Variants in DGKB observed in about 807,000 individuals in gnomAD.
DGKB encodes the protein diacylglycerol kinase beta.
A neutral mutation model predicts 114.3 loss-of-function variants in DGKB; 67 were observed. The observed-to-expected ratio is 0.59, with a 90% CI of 0.48 to 0.72. The LOEUF is 0.72. Ranked by LOEUF, DGKB falls within the 30% of genes least tolerant of loss-of-function variation. DGKB has a pLI of 0.00. For synonymous variants in DGKB, 398 were observed against 323.1 expected (o/e 1.23, Z -2.49); for missense variants, 907 against 975.2 (o/e 0.93, Z 0.93).
intron 2 of DGKB, among the ~76,000 whole-genome samples, chr7:14,827,576 A>G (rs1845870200): frequency 1.3e-5 from 2 of 152,148 alleles, no homozygotes; most frequent in South Asian, 4.1e-4. Flanking sequence ...ATGTATGTTT[A>G]TCAGATTTAT....
intron 1 of DGKB, among the ~76,000 whole-genome samples, chr7:14,931,517 G>T (rs1236606321): frequency 6.6e-6 from 1 of 152,170 alleles, no homozygotes; most frequent in Non-Finnish European, 1.5e-5. Context: ...ATCTAGATAG[G>T]GGGAGTGGGG....
At chr7:14,727,851 T>G (rs2128377289) in intron 5 of DGKB, among the ~76,000 whole-genome samples, 1 of 152,296 alleles carries the variant, frequency 6.6e-6, no homozygotes, top group African/African-American at 2.4e-5. Flanking sequence ...AAGACAGTCC[T>G]AATAAGAGAA....
chr7:14,192,890 G>T (rs1400665858), intron 23 of DGKB, among the ~76,000 whole-genome samples: 1 of 151,616 alleles, frequency 6.6e-6, no homozygotes. Flanking sequence ...AACACTGACA[G>T]ATCATCAGGT....
At chr7:14,163,971 G>A (rs1261440623) in intron 25 of DGKB, among the ~76,000 whole-genome samples, 1 of 151,192 alleles carries the variant, frequency 6.6e-6, no homozygotes, top group African/African-American at 2.4e-5. Flanking sequence ...CACCTGCCTG[G>A]GCAACAGCAG....
At chr7:14,332,881 T>C (rs1809973453) in intron 23 of DGKB, among the ~76,000 whole-genome samples, 1 of 152,172 alleles carries the variant, frequency 6.6e-6, no homozygotes, top group Non-Finnish European at 1.5e-5. Context: ...TTTTGCATGA[T>C]GGGTACCTGG....
chr7:14,252,276 T>G (rs905994565), intron 23 of DGKB, among the ~76,000 whole-genome samples: 11 of 152,218 alleles, frequency 7.2e-5, no homozygotes, highest in Non-Finnish European at 1.5e-4. Flanking sequence ...TTCTTTAAGA[T>G]GAATATTTAA....
intron 20 of DGKB, among the ~76,000 whole-genome samples, chr7:14,535,378 GAAAAAAA>G (rs111762380): frequency 9.0e-4 from 111 of 123,660 alleles, no homozygotes; most frequent in South Asian, 2.3e-3. Flanking sequence ...CTTAAAAAAA[GAAAAAAA>G]AAAAAAAAAG....
intron 2 of DGKB, among the ~76,000 whole-genome samples, chr7:14,780,015 T>C (rs1418821035): frequency 6.6e-6 from 1 of 152,186 alleles, no homozygotes; most frequent in Non-Finnish European, 1.5e-5. Flanking sequence ...TTAATTTTGT[T>C]GCTGGGTGCA....
rs569285993 is a variant in DGKB, at chr7:14,327,974, A to T, written c.2122+10541T>A. Among the ~76,000 whole-genome samples the T allele has an allele frequency of 3.3e-5, 5 of 152,188 alleles. No homozygotes were observed. The East Asian group carries it at 9.6e-4, about 29-fold the overall frequency. ...GTTAAAATATGAAATGACTTCTCAA[A>T]CCTATTTTATATGGAAGTCACATTT... On this transcript the variant is annotated intron_variant, in intron 23 of 25. Transcript: ENST00000402815.
chr7:14,974,488 T>A (rs1787676936), intron 1 of DGKB, among the ~76,000 whole-genome samples: 1 of 152,106 alleles, frequency 6.6e-6, no homozygotes, highest in Non-Finnish European at 1.5e-5. Flanking sequence ...TTACTTCACA[T>A]AATAATCTTC....
upstream of DGKB, among the ~76,000 whole-genome samples, chr7:14,906,001 G>T (rs576475783): frequency 1.2e-4 from 18 of 151,962 alleles, no homozygotes; most frequent in African/African-American, 4.1e-4. Context: ...TCACTCACAG[G>T]CTCCACAGAA....
At chr7:14,413,134 C>G (rs1825159430) in intron 21 of DGKB, among the ~76,000 whole-genome samples, 1 of 151,920 alleles carries the variant, frequency 6.6e-6, no homozygotes, top group Non-Finnish European at 1.5e-5. Context: ...AGTGATATAG[C>G]AATGGATTGG....
At chr7:14,256,894 G>T (rs566207020) in intron 23 of DGKB, among the ~76,000 whole-genome samples, 12 of 152,256 alleles carry the variant, frequency 7.9e-5, no homozygotes, top group African/African-American at 2.6e-4. Flanking sequence ...AGCTGGGCAC[G>T]GTGGTTTACA....
intron 13 of DGKB, among the ~76,000 whole-genome samples, chr7:14,652,264 A>C (rs1351972451): frequency 1.3e-5 from 2 of 152,316 alleles, no homozygotes; most frequent in South Asian, 4.1e-4. Flanking sequence ...ACAAGTCTAC[A>C]GTAACCCAAA....
At chr7:14,187,972 C>T (rs145581814) in intron 23 of DGKB, among the ~76,000 whole-genome samples, 9 of 151,446 alleles carry the variant, frequency 5.9e-5, no homozygotes, top group African/African-American at 1.7e-4. Flanking sequence ...ATTCATGATC[C>T]GAATGAGAAA....
Position 14,665,402 on chromosome 7 carries a change from A to G in DGKB, c.1134+7527T>C, listed in dbSNP as rs76416488. Among the ~76,000 whole-genome samples the G allele has an allele frequency of 7.3e-3, 1,111 of 152,060 alleles. 10 individuals carry two copies. Among genetic ancestry groups the G allele is most frequent in the African/African-American group, 0.024 (1,017 of 41,516 alleles). ...GTGGGAGGAGGAAGAGGATGAGGAA[A>G]AATAAGTAATGCATAGTAGGCTTAG... On this transcript the variant is annotated intron_variant, in intron 13 of 25. Transcript: ENST00000402815.
intron 23 of DGKB, among the ~76,000 whole-genome samples, chr7:14,193,175 A>AG (rs1784548527): frequency 3.1e-5 from 2 of 63,672 alleles, no homozygotes; most frequent in Admixed American, 4.8e-4. Context: ...TCAGAGAAAT[A>AG]GAAAAAAAAA....
chr7:14,595,898 G>C (rs1156354626), intron 17 of DGKB, among the ~76,000 whole-genome samples: 3 of 151,990 alleles, frequency 2.0e-5, no homozygotes, highest in Non-Finnish European at 2.9e-5. Flanking sequence ...TAAATTTTTA[G>C]TATTATTGTT....
chr7:14,670,979 C>A (rs1818866924), intron 13 of DGKB, among the ~76,000 whole-genome samples: 1 of 152,010 alleles, frequency 6.6e-6, no homozygotes, highest in Non-Finnish European at 1.5e-5. Flanking sequence ...AGCATATATG[C>A]TCAATCAAAA....
Sources: allele counts gnomAD v4.1 joint callset (sites outside exome capture counted in the v4.1 genomes callset), GRCh38; gene constraint gnomAD v4.1.1; transcripts MANE v1.5; gene names NCBI Gene and HGNC (gene_info 2026-07-23, HGNC 2026-07-21).